SENP2: variants seen among roughly 807,000 people sequenced by gnomAD.
SENP2 encodes the protein sentrin-specific protease 2.
A neutral mutation model predicts 86.3 loss-of-function variants in SENP2; 16 were observed. The ratio of observed to expected loss-of-function variants is 0.19; its 90% CI spans 0.13 to 0.28. The LOEUF (loss-of-function observed/expected upper bound fraction) is 0.28, where lower values mean the gene tolerates loss of function less well. Among genes scored for constraint, SENP2 ranks in the 10% least tolerant of loss-of-function variants. SENP2 has a pLI of 1.00. For missense variants in SENP2, 552 were observed against 703.0 expected, an observed-to-expected ratio of 0.79 and a Z score of 2.43; for synonymous variants, 222 against 238.7, an observed-to-expected ratio of 0.93 and a Z score of 0.64.
chr3:185,621,184 G>A (rs1283250190), intron 13 of SENP2, among the ~76,000 whole-genome samples: 16 of 94,360 alleles, frequency 1.7e-4, no homozygotes, highest in Admixed American at 2.3e-4. Context: ...AAAAGAGAGA[G>A]AGAAAGAAAG....
Position 185,598,939 on chromosome 3 carries a change from G to T in SENP2, c.292-19G>T, listed in dbSNP as rs764892142. On this transcript the variant is annotated intron_variant, in intron 3 of 16. Transcript: ENST00000296257. ...GACAAAATTTAGATGCTACAGAAGT[G>T]ATTCTGTTTGATTTTAAGGTATTTT... is the stretch of plus-strand genomic sequence containing the variant. 6.3e-7 allele frequency: 1 copy of T among 1,584,196 alleles called. No homozygotes were observed. The highest frequency in any genetic ancestry group is 8.7e-7 in the Non-Finnish European group (1 of 1,155,422).
chr3:185,598,046 T>A (rs1722232281), intron 2 of SENP2, among the ~76,000 whole-genome samples: 1 of 151,676 alleles, frequency 6.6e-6, no homozygotes, highest in Admixed American at 6.6e-5. Flanking sequence ...AGAGTCTCAC[T>A]CTGTTGCCCA....
chr3:185,619,209 T>G (rs1711748708), intron 12 of SENP2, 90 bp from the exon 13 acceptor site: 10 of 955,284 alleles, frequency 1.0e-5, no homozygotes. Context: ...TTTAGTACCT[T>G]ACCTTCGAAT....
intron 2 of SENP2, among the ~76,000 whole-genome samples, chr3:185,597,869 G>T (rs1273827034): frequency 1.3e-5 from 2 of 150,436 alleles, no homozygotes; most frequent in Admixed American, 1.3e-4. Flanking sequence ...AGTCAGGCTG[G>T]TCTCCAACTC....
Position 185,599,033 on chromosome 3 carries a change from G to C in SENP2, c.358+9G>C. 2 of 1,606,264 alleles carry C rather than the reference G, an allele frequency of 1.2e-6. No homozygotes were observed. Among genetic ancestry groups the C allele is most frequent in the Non-Finnish European group, 1.7e-6 (2 of 1,176,144 alleles). ...CAACATGCTGAAACTGGGTGAGGTG[G>C]TCAAAAATATTTCTGTTTCCCGCTA... On this transcript the variant is annotated intron_variant, in intron 4 of 16. Transcript: ENST00000296257.
rs1722518300 is a variant in SENP2, at chr3:185,606,568, ACT to A, written c.618+72_618+73del. 5 of 1,295,298 alleles carry A rather than the reference ACT, an allele frequency of 3.9e-6. No homozygotes were observed. The South Asian group carries it at 6.4e-5, about 17-fold the overall frequency. The allele number at this position is 1,295,298 out of a possible 1,614,324, so 80.2% of individuals were successfully genotyped here. On this transcript the variant is annotated intron_variant, in intron 6 of 16. Transcript: ENST00000296257. ...CTTCCCAAGGATGCTGCCTAGAGACACTCAGAATGGTTCAACGTTTGACATAC... is the reference window on the plus strand; with the variant it reads ...CTTCCCAAGGATGCTGCCTAGAGACACAGAATGGTTCAACGTTTGACATAC...
chr3:185,610,502 C>T (rs1345439810), intron 7 of SENP2, among the ~76,000 whole-genome samples: 4 of 151,934 alleles, frequency 2.6e-5, no homozygotes, highest in South Asian at 4.2e-4. Flanking sequence ...AGATTGTTTG[C>T]GAATAATCAG....
rs747621439 is a variant in SENP2, at chr3:185,619,281, T to A, written c.1243-18T>A. 9 of 1,575,414 alleles carry A rather than the reference T, an allele frequency of 5.7e-6. No homozygotes were observed. In the Admixed American group the frequency reaches 1.5e-4, roughly 26 times the overall value. ...ATGTTTGCCATGTTCCAGCTTTTGC[T>A]CCCTTGGTATTTTGTAGGTCATTAA... On this transcript the variant is annotated intron_variant, in intron 12 of 16. Transcript: ENST00000296257.
Position 185,617,625 on chromosome 3 carries a change from C to T in SENP2, c.1242+14C>T, listed in dbSNP as rs760472139. ...CTCAATGATGAAGTAAGTTGTATTC[C>T]CTCCCCCTTTTGGCTATCATTAAGT... On this transcript the variant is annotated intron_variant, in intron 12 of 16. Transcript: ENST00000296257. 4 of 1,607,666 alleles carry T rather than the reference C, an allele frequency of 2.5e-6. No homozygotes were observed. The highest frequency in any genetic ancestry group is 3.4e-6 in the Non-Finnish European group (4 of 1,176,478).
chr3:185,609,965 A>T (rs1248306077), intron 7 of SENP2, among the ~76,000 whole-genome samples: 1 of 152,128 alleles, frequency 6.6e-6, no homozygotes. Flanking sequence ...AGCAAATATT[A>T]ATAGATGAGA....
chr3:185,619,632 CTT>C (rs1711763637), intron 13 of SENP2, 130 bp downstream of exon 13: 1 of 522,364 alleles, frequency 1.9e-6, no homozygotes, highest in Admixed American at 3.7e-5. Flanking sequence ...TGCAGAGTCT[CTT>C]TTTAGTTTTT....
intron 2 of SENP2, among the ~76,000 whole-genome samples, chr3:185,590,867 CAAAAAAAAAA>C (rs1196821162): frequency 5.9e-4 from 8 of 13,540 alleles, no homozygotes; most frequent in South Asian, 5.4e-3. Context: ...CACTCCATCT[CAAAAAAAAAA>C]AAAAAAAAAA....
intron 2 of SENP2, among the ~76,000 whole-genome samples, chr3:185,591,397 G>C (rs1301253059): frequency 6.6e-6 from 1 of 151,956 alleles, no homozygotes; most frequent in South Asian, 2.1e-4. Flanking sequence ...TGTCACCCAG[G>C]CTGGAGTGTA....
chr3:185,613,641 G>C (rs1675258445), intron 10 of SENP2: 1 of 286,238 alleles, frequency 3.5e-6, no homozygotes, highest in African/African-American at 2.3e-5. Context: ...GACCAGCCTG[G>C]GCAACATAGT....
Position 185,586,355 on chromosome 3 carries a change from G to A in SENP2, c.-59G>A. On this transcript the variant is annotated 5_prime_UTR_variant, in exon 1 of 17. Transcript: ENST00000296257. The surrounding 1 kb of genome is among the most constrained non-coding windows in gnomAD (Gnocchi z 4.3). ...AGACGGCGAAGGCGGCAGCGGCGGC[G>A]ACAGCTCTGGGGTTTGCGTCTCGGG... 1 of 1,598,196 alleles carries A rather than the reference G, an allele frequency of 6.3e-7. No homozygotes were observed. Among genetic ancestry groups the A allele is most frequent in the Non-Finnish European group, 8.5e-7 (1 of 1,171,846 alleles).
At chr3:185,629,435 G>C (rs947299653) in intron 16 of SENP2, among the ~76,000 whole-genome samples, 3 of 152,056 alleles carry the variant, frequency 2.0e-5, no homozygotes, top group African/African-American at 7.2e-5. Flanking sequence ...AAAATAAGCC[G>C]GGTGTGCTGG....
intron 5 of SENP2, among the ~76,000 whole-genome samples, chr3:185,604,123 A>C (rs1022341873): frequency 1.3e-5 from 2 of 152,202 alleles, no homozygotes; most frequent in Non-Finnish European, 2.9e-5. Flanking sequence ...ACCGTCTCAA[A>C]AAAATAAATA....
intron 1 of SENP2, among the ~76,000 whole-genome samples, chr3:185,587,522 A>G (rs185289212): frequency 1.3e-5 from 2 of 151,534 alleles, no homozygotes; most frequent in African/African-American, 2.4e-5. Flanking sequence ...AAAATAAAAT[A>G]CTATACAAAT....
intron 4 of SENP2, among the ~76,000 whole-genome samples, chr3:185,600,397 G>A (rs1195320188): frequency 6.6e-6 from 1 of 152,086 alleles, no homozygotes; most frequent in Non-Finnish European, 1.5e-5. Context: ...TCATATTTTA[G>A]GTATGTTACC....
Sources: gnomAD v4.1 joint callset for allele counts (sites outside exome capture counted in the v4.1 genomes callset) on GRCh38, gnomAD v4.1.1 for gene constraint, Gnocchi (gnomAD v3.1) non-coding constraint, MANE v1.5 for transcripts, NCBI Gene and HGNC (gene_info 2026-07-23, HGNC 2026-07-21) for gene names.